The following RUFY2 variants were observed in gnomAD, a reference collection of about 807,000 sequenced individuals.
The protein encoded by RUFY2 is RUN and FYVE domain containing 2.
In RUFY2, 49 loss-of-function variants were observed where a neutral mutation model predicts 94.4. The ratio of observed to expected loss-of-function variants is 0.52; its 90% CI spans 0.41 to 0.66. The LOEUF (loss-of-function observed/expected upper bound fraction) is 0.66, where lower values mean the gene tolerates loss of function less well. Among genes scored for constraint, RUFY2 ranks in the 30% least tolerant of loss-of-function variants. The probability of loss-of-function intolerance (pLI) is 0.00; values close to 1 mark genes in which losing one functional copy is unlikely to be tolerated. For missense variants in RUFY2, 541 were observed against 692.8 expected (o/e 0.78, Z 2.46); for synonymous variants, 255 against 235.7 (o/e 1.08, Z -0.75).
chr10:68,363,658 A>C lies in RUFY2; in HGVS notation c.1482T>G (p.Asn494Lys), dbSNP rs1393409446. The C allele has an allele frequency of 6.2e-7, 1 of 1,606,094 alleles. No homozygotes were observed. The highest frequency in any genetic ancestry group is 8.5e-7 in the Non-Finnish European group (1 of 1,176,984). Residue 494 changes from asparagine (N) to lysine (K), a missense_variant, in exon 15 of 18, where the codon AAT (asparagine) becomes AAG (lysine). By Grantham distance (94) the Asn-to-Lys change is moderately conservative. Around this residue, in one of 3 missense-constraint regions of RUFY2, gnomAD observed 403 missense variants for 480.7 expected, o/e 0.84. Coordinates refer to ENST00000602465, the MANE Select transcript of RUFY2 (RefSeq NM_001330103.2). Reference sequence around the variant, plus strand: ...CATGATATATTTTTTTCAACTGCTGATTTTCATCCTGGAGGTTAAGGAACT... The same window carrying C: ...CATGATATATTTTTTTCAACTGCTGCTTTTCATCCTGGAGGTTAAGGAACT... ...KKEFLNLQDE[N>K]QQLKKIYHEQ...
intron 10 of RUFY2, among the ~76,000 whole-genome samples, chr10:68,382,575 G>A (rs1201342807): frequency 3.3e-5 from 5 of 151,224 alleles, no homozygotes; most frequent in Admixed American, 6.6e-5. Context: ...TTAGCCGGGC[G>A]TGGTGGCGGG....
At chr10:68,403,968 G>C (rs114777251) in intron 2 of RUFY2, among the ~76,000 whole-genome samples, 8 of 152,076 alleles carry the variant, frequency 5.3e-5, no homozygotes, top group Non-Finnish European at 4.4e-5. Flanking sequence ...TTAAGCCACC[G>C]TGTCTGGCCA....
At chr10:68,360,045 C>T (rs969015261) in intron 15 of RUFY2, among the ~76,000 whole-genome samples, 2 of 151,912 alleles carry the variant, frequency 1.3e-5, no homozygotes, top group South Asian at 2.1e-4. Flanking sequence ...AGGCTGGCCT[C>T]GAACTCCTGA....
chr10:68,365,703 A>G (rs1482903697), intron 13 of RUFY2, among the ~76,000 whole-genome samples: 2 of 152,244 alleles, frequency 1.3e-5, no homozygotes, highest in African/African-American at 4.8e-5. Flanking sequence ...TTTTGTGAAC[A>G]TAATTATGCA....
At position 68,383,909 on chromosome 10, in the gene RUFY2, G is replaced by C. The variant is rs1244662554; in HGVS notation, c.828C>G (p.Thr276=). The C allele has an allele frequency of 6.2e-7, 1 of 1,612,100 alleles. No individual in the cohort carries two copies. Among genetic ancestry groups the C allele is most frequent in the African/African-American group, 1.3e-5 (1 of 74,822 alleles). ...GAAGCTCAGTTTCCACATCTACTTT[G>C]GTAACCTAGGAAGAAAACAAAATTT... ...LMKTQQHLEV[T]KVDVETELQT... The change falls in exon 10 of 18, where the codon ACC becomes ACG. Residue 276 remains threonine (T), a synonymous_variant. Coordinates refer to ENST00000602465, the MANE Select transcript of RUFY2 (RefSeq NM_001330103.2).
chr10:68,355,010 C>T (rs1035892756), intron 16 of RUFY2, among the ~76,000 whole-genome samples: 1 of 152,066 alleles, frequency 6.6e-6, no homozygotes, highest in African/African-American at 2.4e-5. Flanking sequence ...CCACACTCAA[C>T]AAATGTTTGT....
chr10:68,377,580 C>T, intron 12 of RUFY2: 1 of 985,326 alleles, frequency 1.0e-6, no homozygotes, highest in Non-Finnish European at 1.2e-6. Context: ...TGCCAGTTGG[C>T]ATCATTTGCT....
chr10:68,366,868 TAA>T (rs1213817910), intron 13 of RUFY2, among the ~76,000 whole-genome samples: 4 of 122,020 alleles, frequency 3.3e-5, no homozygotes, highest in African/African-American at 9.8e-5. Context: ...ATATATTAAA[TAA>T]ATATATATAT....
chr10:68,347,233 A>G lies in RUFY2; in HGVS notation c.1600-1149T>C, dbSNP rs75602659. Among the ~76,000 whole-genome samples, 282 of 152,186 alleles carry G rather than the reference A, an allele frequency of 1.9e-3. 7 individuals carry two copies. The East Asian group carries it at 0.05, about 27-fold the overall frequency. The stretch of plus-strand genomic sequence containing the variant: ...AGCTGCTATGTAAACGTTAGTAAAA[A>G]AATGGATGTAAGTAGTCTTAAGCAG... On this transcript the variant is annotated intron_variant, in intron 16 of 17. Transcript: ENST00000602465.
intron 13 of RUFY2, among the ~76,000 whole-genome samples, chr10:68,372,612 AG>A (rs1409168746): frequency 5.4e-5 from 8 of 149,046 alleles, no homozygotes; most frequent in Non-Finnish European, 1.0e-4. Flanking sequence ...AAAAGAGGCC[AG>A]GCACAGTGGC....
chr10:68,360,829 T>C (rs2047409842), intron 15 of RUFY2, among the ~76,000 whole-genome samples: 3 of 151,638 alleles, frequency 2.0e-5, no homozygotes, highest in Non-Finnish European at 1.5e-5. Context: ...ACCCAGTAAG[T>C]GGAGGTTGCA....
chr10:68,351,460 T>C (rs2046669286), intron 16 of RUFY2, among the ~76,000 whole-genome samples: 1 of 146,982 alleles, frequency 6.8e-6, no homozygotes, highest in African/African-American at 2.5e-5. Context: ...TTTTTTTTTT[T>C]TTTTTTTGAG....
chr10:68,383,002 A>T (rs1374612972), intron 10 of RUFY2, among the ~76,000 whole-genome samples: 1 of 152,174 alleles, frequency 6.6e-6, no homozygotes, highest in Non-Finnish European at 1.5e-5. Flanking sequence ...ATTCATTCAC[A>T]ATCATATACT....
chr10:68,377,387 C>T (rs2048747779), intron 12 of RUFY2: 2 of 1,015,354 alleles, frequency 2.0e-6, no homozygotes, highest in Non-Finnish European at 2.4e-6. Context: ...ATATGTTATG[C>T]TAGGATGTGT....
intron 10 of RUFY2, among the ~76,000 whole-genome samples, chr10:68,381,692 C>G (rs1409083229): frequency 6.6e-6 from 1 of 152,022 alleles, no homozygotes; most frequent in African/African-American, 2.4e-5. Flanking sequence ...CAAAAATATA[C>G]AAAAACTTAG....
intron 1 of RUFY2, chr10:68,406,977 G>A (rs746547153): frequency 6.5e-7 from 1 of 1,530,240 alleles, no homozygotes; most frequent in Middle Eastern, 1.7e-4. Context: ...AACCCGGGCG[G>A]GAACGGGCCG....
chr10:68,390,468 G>A (rs1450458688), intron 7 of RUFY2, among the ~76,000 whole-genome samples: 1 of 151,962 alleles, frequency 6.6e-6, no homozygotes, highest in Admixed American at 6.6e-5. Flanking sequence ...AATATTACTC[G>A]CTATACCTGT....
chr10:68,381,203 A>T, intron 11 of RUFY2, 29 bp downstream of exon 11: 1 of 1,531,548 alleles, frequency 6.5e-7, no homozygotes, highest in Non-Finnish European at 8.8e-7. Flanking sequence ...TTCAATTTAC[A>T]TAAAATGAAA....
intron 2 of RUFY2, 34 bp downstream of exon 2, chr10:68,404,637 T>C (rs1487327151): frequency 6.8e-7 from 1 of 1,460,638 alleles, no homozygotes; most frequent in Non-Finnish European, 9.1e-7. Context: ...ACGGAAATTC[T>C]AAAATGAATT....
Sources: gnomAD v4.1 joint callset for allele counts (sites outside exome capture counted in the v4.1 genomes callset) on GRCh38, gnomAD v4.1.1 for gene constraint, gnomAD v4.1.1 regional missense constraint, MANE v1.5 for transcripts, NCBI Gene and HGNC (gene_info 2026-07-23, HGNC 2026-07-21) for gene names.